LRIG3: variants seen among roughly 807,000 people sequenced by gnomAD.
LRIG3 encodes leucine-rich repeats and immunoglobulin-like domains protein 3.
LRIG3 carries 76 observed loss-of-function variants against 114.5 expected under a neutral mutation model. The ratio of observed to expected loss-of-function variants is 0.66; its 90% CI spans 0.55 to 0.80. The LOEUF is 0.80. Among genes scored for constraint, LRIG3 ranks in the 30% least tolerant of loss-of-function variants. The pLI is 0.00. For synonymous variants in LRIG3, 512 were observed against 519.8 expected (o/e 0.98, Z 0.20); for missense variants, 1,239 against 1,382.8 (o/e 0.90, Z 1.65).
chr12:58,872,528 C>A lies in LRIG3; in HGVS notation c.*44G>T. ...ATTCTCTCTCTTTTAAATAAAAGTT[C>A]ACTTGAGGTAGTATGTTAAGCTTTT... On this transcript the variant is annotated 3_prime_UTR_variant, in exon 19 of 19. Transcript: ENST00000320743. 1.3e-6 allele frequency: 2 copies of A among 1,489,948 alleles called. No homozygotes were observed. Among genetic ancestry groups the A allele is most frequent in the South Asian group, 1.4e-5 (1 of 69,004 alleles). The allele number at this position is 1,489,948 out of a possible 1,614,324, so 92.3% of individuals were successfully genotyped here. A position where few individuals can be genotyped will look rare whatever the true frequency, so the allele number is the denominator to read the frequency against.
At chr12:58,915,342 G>T (rs1034499932) in intron 1 of LRIG3, among the ~76,000 whole-genome samples, 1 of 152,016 alleles carries the variant, frequency 6.6e-6, no homozygotes, top group Admixed American at 6.6e-5. Context: ...TGTTTAAAAC[G>T]GAGTTTTTTA....
At chr12:58,919,466 A>C in intron 1 of LRIG3, 1 of 1,551,682 alleles carries the variant, frequency 6.4e-7, no homozygotes, top group Non-Finnish European at 8.7e-7. Context: ...GGAGAACAAC[A>C]GAAGTACGTC....
chr12:58,889,415 A>C lies in LRIG3; in HGVS notation c.660-453T>G, dbSNP rs189997048. On this transcript the variant is annotated intron_variant, in intron 5 of 18. Transcript: ENST00000320743. Reference sequence around the variant, plus strand: ...CTTTCTCTTTAAGGCAGTAGTTCTCAGCCTTGGTTGCACACTGGACGCAAC... The same window carrying C: ...CTTTCTCTTTAAGGCAGTAGTTCTCCGCCTTGGTTGCACACTGGACGCAAC... Among the ~76,000 whole-genome samples the C allele has an allele frequency of 8.5e-4, 130 of 152,314 alleles. 1 individual carries two copies. The Middle Eastern group carries it at 0.024, about 28-fold the overall frequency.
At chr12:58,913,265 G>C (rs898467854) in intron 3 of LRIG3, among the ~76,000 whole-genome samples, 1 of 152,128 alleles carries the variant, frequency 6.6e-6, no homozygotes, top group African/African-American at 2.4e-5. Flanking sequence ...AGATTAAGGT[G>C]GTAAGCTAAT....
intron 10 of LRIG3, among the ~76,000 whole-genome samples, chr12:58,884,524 G>T (rs184029149): frequency 1.3e-5 from 2 of 152,318 alleles, no homozygotes; most frequent in African/African-American, 4.8e-5. Flanking sequence ...CCCAGAAACG[G>T]AATGGGCCAA....
chr12:58,907,609 G>C (rs560169013), intron 3 of LRIG3, among the ~76,000 whole-genome samples: 1 of 152,298 alleles, frequency 6.6e-6, no homozygotes, highest in East Asian at 1.9e-4. Context: ...TGTACATTAT[G>C]CCATTTGATC....
At chr12:58,894,692 G>C (rs1871578702) in intron 3 of LRIG3, among the ~76,000 whole-genome samples, 1 of 152,158 alleles carries the variant, frequency 6.6e-6, no homozygotes, top group African/African-American at 2.4e-5. Flanking sequence ...ATTTTTGGCA[G>C]GAAATGTGCA....
chr12:58,874,399 A>G (rs774878508), intron 17 of LRIG3, 31 bp downstream of exon 17: 1 of 1,612,552 alleles, frequency 6.2e-7, no homozygotes, highest in Non-Finnish European at 8.5e-7. Flanking sequence ...TCTAAGAAAC[A>G]GAACTGTACT....
intron 6 of LRIG3, 87 bp from the exon 7 acceptor site, chr12:58,888,559 G>T: frequency 6.7e-7 from 1 of 1,500,974 alleles, no homozygotes; most frequent in South Asian, 1.3e-5. Flanking sequence ...ACCTATTACA[G>T]ATTCCTATTG....
At chr12:58,913,565 T>C (rs61921900) in intron 3 of LRIG3, 4,025 of 155,980 alleles carry the variant, frequency 0.026, 135 homozygotes, top group East Asian at 0.099. Flanking sequence ...TGGCTTATTC[T>C]CAACTCCGGT....
rs1343965969 is a variant in LRIG3 at position 58,890,148 on chromosome 12, A to T, written c.516-9T>A. 11 of 1,612,216 alleles carry T rather than the reference A, an allele frequency of 6.8e-6. No homozygotes were observed. The East Asian group carries it at 2.5e-4, about 36-fold the overall frequency. On this transcript the variant is annotated splice_polypyrimidine_tract_variant and intron_variant, in intron 4 of 18. Coordinates refer to ENST00000320743, the MANE Select transcript of LRIG3 (RefSeq NM_153377.5). ...GGTTGCTGTTGAGATACCTGTTGAAAGTTTAAAGATGAGCTTCTCCTTCTG... is the reference window on the plus strand; with the variant it reads ...GGTTGCTGTTGAGATACCTGTTGAATGTTTAAAGATGAGCTTCTCCTTCTG...
At chr12:58,880,307 AAAAAAAG>A (rs1462708223) in intron 13 of LRIG3, 4 of 539,860 alleles carry the variant, frequency 7.4e-6, no homozygotes, top group African/African-American at 5.8e-5. Context: ...CTCAAAAAAA[AAAAAAAG>A]AAAAAGAAAA....
rs1194881554 is a variant in LRIG3, at chr12:58,877,493, C to T, written c.2443G>A (p.Val815Met). The T allele has an allele frequency of 7.4e-6, 12 of 1,614,216 alleles. No individual in the cohort carries two copies. The highest frequency in any genetic ancestry group is 4.4e-5 in the South Asian group (4 of 91,086). The change falls in exon 15 of 19, where the codon GTG becomes ATG. Residue 815 changes from valine (V) to methionine (M), a missense_variant. Physicochemically the swap from Val to Met is conservative, Grantham distance 21. Coordinates refer to ENST00000320743, the MANE Select transcript of LRIG3 (RefSeq NM_153377.5). ...GACGTGCCCACCACACAGCAAACCACGGCTATGATCACGACACCCACAGTG... is the reference window on the plus strand; with the variant it reads ...GACGTGCCCACCACACAGCAAACCATGGCTATGATCACGACACCCACAGTG... ...WATVGVVIIAVVCCVVGTSLV... is the reference protein window; with the variant it reads ...WATVGVVIIAMVCCVVGTSLV...
intron 1 of LRIG3, among the ~76,000 whole-genome samples, chr12:58,918,525 A>G (rs769751540): frequency 6.6e-6 from 1 of 152,218 alleles, no homozygotes; most frequent in Non-Finnish European, 1.5e-5. Flanking sequence ...GAATAATCTA[A>G]GCATATCTAA....
chr12:58,920,499 G>A lies in LRIG3; in HGVS notation c.-264C>T. 2 of 345,850 alleles carry A rather than the reference G, an allele frequency of 5.8e-6. No individual in the cohort carries two copies. Among genetic ancestry groups the A allele is most frequent in the East Asian group, 4.4e-5 (1 of 22,800 alleles). The allele number at this position is 345,850 out of a possible 1,614,324, so 21.4% of individuals were successfully genotyped here. A position where few individuals can be genotyped will look rare whatever the true frequency, so the allele number is the denominator to read the frequency against. On this transcript the variant is annotated 5_prime_UTR_variant, in exon 1 of 19. Transcript: ENST00000320743. The stretch of plus-strand genomic sequence containing the variant: ...CGTCGGCTCGCCGAAGCCCCTTCTT[G>A]TCTGCAAAAGAAACTTTTTCGCCTC...
At position 58,882,251 on chromosome 12, in the gene LRIG3, T is replaced by C. The variant is rs1027311784; in HGVS notation, c.1480+618A>G. Among the ~76,000 whole-genome samples, 4 of 152,202 alleles carry C rather than the reference T, an allele frequency of 2.6e-5. 1 individual carries two copies. The highest frequency in any genetic ancestry group is 2.0e-4 in the Admixed American group (3 of 15,286). ...CAGCTAATAGTAAATGGCAGCATCATGTAATAGACAGAAAGTTACACCAGA... is the reference window on the plus strand; with the variant it reads ...CAGCTAATAGTAAATGGCAGCATCACGTAATAGACAGAAAGTTACACCAGA... On this transcript the variant is annotated intron_variant, in intron 12 of 18. Coordinates refer to ENST00000320743, the MANE Select transcript of LRIG3 (RefSeq NM_153377.5).
At chr12:58,887,726 G>C (rs1871320727) in intron 8 of LRIG3, 63 bp downstream of exon 8, 1 of 1,560,290 alleles carries the variant, frequency 6.4e-7, no homozygotes, top group Non-Finnish European at 8.8e-7. Flanking sequence ...TCTGCTAGGA[G>C]AAAAGTGGGC....
At chr12:58,884,201 A>G (rs1478992906) in intron 10 of LRIG3, among the ~76,000 whole-genome samples, 1 of 152,240 alleles carries the variant, frequency 6.6e-6, no homozygotes, top group Non-Finnish European at 1.5e-5. Context: ...TAAGATGTTC[A>G]GACAAGATAT....
rs1288157899 is a variant in LRIG3 at position 58,886,228 on chromosome 12, G to A, written c.1173-326C>T. On this transcript the variant is annotated intron_variant, in intron 9 of 18. Transcript: ENST00000320743. ...ACTGTCTCAGAACACTAACAAAGCA[G>A]ATAATAGTGAACGTTTTCTCCTTCC... 2.0e-5 allele frequency among the ~76,000 whole-genome samples: 3 copies of A among 152,002 alleles called. No individual in the cohort carries two copies. The East Asian group carries it at 5.8e-4, about 29-fold the overall frequency.
Sources: gnomAD v4.1 joint callset for allele counts (sites outside exome capture counted in the v4.1 genomes callset) on GRCh38, gnomAD v4.1.1 for gene constraint, MANE v1.5 for transcripts, NCBI Gene and HGNC (gene_info 2026-07-23, HGNC 2026-07-21) for gene names.